CHAF1B: variants seen among roughly 807,000 people sequenced by gnomAD.
The protein encoded by CHAF1B is chromatin assembly factor 1 subunit B.
A neutral mutation model predicts 60.7 loss-of-function variants in CHAF1B; 10 were observed. That is an observed-to-expected ratio of 0.16 (90% confidence interval 0.10 to 0.28). The LOEUF (loss-of-function observed/expected upper bound fraction) is 0.28. Among genes scored for constraint, CHAF1B ranks in the 10% least tolerant of loss-of-function variants. CHAF1B has a pLI of 1.00. For missense variants in CHAF1B, 558 were observed against 708.4 expected (o/e 0.79, Z 2.41); for synonymous variants, 261 against 266.1 (o/e 0.98, Z 0.19).
In CHAF1B at chr21:36,416,444, AC is replaced by A; in HGVS notation, c.*80del. ...GACGGTAAAGCTGGAGGTGCCTGAG[AC>A]CAGGGCTTCCATGGAGCGGGACACA... On this transcript the variant is annotated 3_prime_UTR_variant, in exon 14 of 14. Transcript: ENST00000314103. 1.7e-6 allele frequency: 2 copies of A among 1,163,908 alleles called. No homozygotes were observed. The highest frequency in any genetic ancestry group is 2.5e-6 in the Non-Finnish European group (2 of 807,184). 72.1% of individuals were successfully genotyped at this position (1,163,908 alleles called of 1,614,324 possible).
intron 3 of CHAF1B, among the ~76,000 whole-genome samples, chr21:36,390,073 C>T (rs141667193): frequency 0.013 from 1,977 of 152,126 alleles, 25 homozygotes; most frequent in Middle Eastern, 0.044. Flanking sequence ...GTGGCTCACG[C>T]CTGTAATCCC....
intron 5 of CHAF1B, 22 bp downstream of exon 5, chr21:36,394,672 T>G: frequency 6.7e-7 from 1 of 1,482,834 alleles, no homozygotes; most frequent in Non-Finnish European, 9.3e-7. Context: ...ATTTTTGTTA[T>G]TAGCAGGAAG....
At chr21:36,387,836 G>A in intron 3 of CHAF1B, 106 bp downstream of exon 3, 3 of 1,154,896 alleles carry the variant, frequency 2.6e-6, no homozygotes, top group East Asian at 2.5e-5. Flanking sequence ...TTTTTTTTTT[G>A]AGATAGAGTT....
At chr21:36,412,688 C>G (rs1439310568) in intron 11 of CHAF1B, 196 bp from the exon 12 acceptor site, 2 of 597,878 alleles carry the variant, frequency 3.3e-6, no homozygotes, top group Non-Finnish European at 5.8e-6. Context: ...GCTAGTAGCA[C>G]AGATAGGTTG....
intron 5 of CHAF1B, among the ~76,000 whole-genome samples, chr21:36,395,011 A>T (rs2086125675): frequency 6.6e-6 from 1 of 152,004 alleles, no homozygotes; most frequent in South Asian, 2.1e-4. Context: ...GATTACAGGC[A>T]TGAACCACTG....
chr21:36,388,081 C>T (rs183200106), intron 3 of CHAF1B, among the ~76,000 whole-genome samples: 1 of 152,260 alleles, frequency 6.6e-6, no homozygotes, highest in African/African-American at 2.4e-5. Context: ...CCTCGGCCTC[C>T]CAAAGTGTTG....
intron 8 of CHAF1B, among the ~76,000 whole-genome samples, chr21:36,406,398 G>A (rs2086238253): frequency 6.6e-6 from 1 of 152,136 alleles, no homozygotes; most frequent in Admixed American, 6.6e-5. Context: ...TGATTCTTCT[G>A]CCTCAGCCTC....
Position 36,401,349 on chromosome 21 carries a change from T to TATAATATATTTTTATATTATAC in CHAF1B, c.664-1399_664-1378dup, listed in dbSNP as rs2086186872. ...TAATATGTTATATATTTATATTATA[T>TATAATATATTTTTATATTATAC]ATAATATATTTTTATATTATACATA... On this transcript the variant is annotated intron_variant, in intron 7 of 13. Transcript: ENST00000314103. Among the ~76,000 whole-genome samples the TATAATATATTTTTATATTATAC allele has an allele frequency of 5.6e-5, 8 of 142,300 alleles. No homozygotes were observed. The South Asian group carries it at 1.5e-3, about 26-fold the overall frequency. The allele number at this position is 142,300 out of a possible 152,430, so 93.4% of individuals were successfully genotyped here.
At chr21:36,399,858 C>T (rs778812835) in intron 7 of CHAF1B, among the ~76,000 whole-genome samples, 18 of 152,122 alleles carry the variant, frequency 1.2e-4, no homozygotes, top group Non-Finnish European at 1.9e-4. Flanking sequence ...CCTGGTTGCA[C>T]GGTGGAATCA....
chr21:36,415,885 CG>C, intron 13 of CHAF1B: 1 of 339,482 alleles, frequency 2.9e-6, no homozygotes, highest in South Asian at 2.3e-5. Flanking sequence ...CCCGAGTAGC[CG>C]GGACTACAGG....
chr21:36,413,156 T>A lies in CHAF1B; in HGVS notation c.1334T>A (p.Val445Asp). The A allele has an allele frequency of 6.2e-7, 1 of 1,613,388 alleles. No individual in the cohort carries two copies. ...GCCAGACAGGCCCCAGCCCCAACAGTCATCAGGGACCCTCCCTCCATCACT... is the reference window on the plus strand; with the variant it reads ...GCCAGACAGGCCCCAGCCCCAACAGACATCAGGGACCCTCCCTCCATCACT... ...PQARQAPAPT[V>D]IRDPPSITPA... is the part of the protein sequence containing the mutation. Residue 445 changes from valine (V) to aspartate (D), a missense_variant, in exon 12 of 14, where the codon GTC (valine) becomes GAC (aspartate). Coordinates refer to ENST00000314103, the MANE Select transcript of CHAF1B (RefSeq NM_005441.3).
At chr21:36,403,082 TAAG>T (rs1002382482) in intron 8 of CHAF1B, among the ~76,000 whole-genome samples, 2 of 152,184 alleles carry the variant, frequency 1.3e-5, no homozygotes, top group African/African-American at 2.4e-5. Flanking sequence ...TTTGGAATTT[TAAG>T]AAGATTTCCA....
chr21:36,390,596 T>G (rs1280716230), intron 3 of CHAF1B, among the ~76,000 whole-genome samples: 1 of 152,162 alleles, frequency 6.6e-6, no homozygotes, highest in Non-Finnish European at 1.5e-5. Flanking sequence ...GCCATTGTGT[T>G]GTAAGTGTGT....
At position 36,397,556 on chromosome 21, in the gene CHAF1B, T is replaced by G; in HGVS notation, c.578+45T>G. ...TTACTTGGAATTTCTTTGTATTTAC[T>G]TGGAATTTTCTGAAGAGAGGTATTT... is the stretch of plus-strand genomic sequence containing the variant. On this transcript the variant is annotated intron_variant, in intron 6 of 13. Transcript: ENST00000314103. 3.6e-6 allele frequency: 4 copies of G among 1,105,592 alleles called. 1 individual carries two copies. In the South Asian group the frequency reaches 6.5e-5, roughly 18 times the overall value. 68.5% of individuals were successfully genotyped at this position (1,105,592 alleles called of 1,614,324 possible).
chr21:36,393,646 G>T (rs113707310), intron 4 of CHAF1B, among the ~76,000 whole-genome samples: 372 of 151,764 alleles, frequency 2.5e-3, no homozygotes, highest in African/African-American at 8.5e-3. Context: ...TAGAGACGGG[G>T]TTTCTCCATG....
intron 7 of CHAF1B, among the ~76,000 whole-genome samples, chr21:36,402,352 A>G (rs2082087760): frequency 6.6e-6 from 1 of 152,190 alleles, no homozygotes; most frequent in Non-Finnish European, 1.5e-5. Context: ...GAATCCACAC[A>G]GATAGAAAGC....
chr21:36,416,625 TCAA>T lies in CHAF1B; in HGVS notation c.*261_*263del, dbSNP rs1384051987. 1 of 343,038 alleles carries T rather than the reference TCAA, an allele frequency of 2.9e-6. No homozygotes were observed. The highest frequency in any genetic ancestry group is 2.1e-5 in the African/African-American group (1 of 48,758). 21.2% of individuals were successfully genotyped at this position (343,038 alleles called of 1,614,324 possible). On this transcript the variant is annotated 3_prime_UTR_variant, in exon 14 of 14. Transcript: ENST00000314103. ...GATGAGTTTCTGAAACTGGAGCGGTTCAACGTTATCCAGTGTGAAAATCAGTGA... is the reference window on the plus strand; with the variant it reads ...GATGAGTTTCTGAAACTGGAGCGGTTCGTTATCCAGTGTGAAAATCAGTGA...
Position 36,386,280 on chromosome 21 carries a change from T to G in CHAF1B, c.126+18T>G, listed in dbSNP as rs375101149. ...ATGTCAGGGTAAACTGGGGCAGAGA[T>G]AGACATCCGGGAACACTGCTTGAAG... On this transcript the variant is annotated intron_variant, in intron 2 of 13. Transcript: ENST00000314103. The G allele has an allele frequency of 1.9e-5, 31 of 1,612,792 alleles. 1 individual carries two copies. The highest frequency in any genetic ancestry group is 1.9e-4 in the South Asian group (17 of 90,990).
chr21:36,389,830 A>G (rs55895669), intron 3 of CHAF1B, among the ~76,000 whole-genome samples: 51,329 of 145,580 alleles, frequency 0.35, 11,699 homozygotes, highest in African/African-American at 0.64. Flanking sequence ...TAGAGGGAAA[A>G]GTGGGGAGCA....
Sources: gnomAD v4.1 joint callset for allele counts (sites outside exome capture counted in the v4.1 genomes callset) on GRCh38, gnomAD v4.1.1 for gene constraint, MANE v1.5 for transcripts, NCBI Gene and HGNC (gene_info 2026-07-23, HGNC 2026-07-21) for gene names.